The following KIF21A variants were observed in gnomAD, a reference collection of about 807,000 sequenced individuals.
KIF21A encodes kinesin family member 21A.
In KIF21A, 114 loss-of-function variants were observed where a neutral mutation model predicts 202.9. The ratio of observed to expected loss-of-function variants is 0.56; its 90% CI spans 0.48 to 0.66. KIF21A has a LOEUF of 0.66. KIF21A is among the 30% of genes least tolerant of loss of function. The probability of loss-of-function intolerance (pLI) is 0.00; values close to 1 mark genes in which losing one functional copy is unlikely to be tolerated. For synonymous variants in KIF21A, 667 were observed against 670.8 expected, an observed-to-expected ratio of 0.99 and a Z score of 0.09; for missense variants, 1,677 against 1,994.9, an observed-to-expected ratio of 0.84 and a Z score of 3.04.
chr12:39,382,990 T>G lies in KIF21A; in HGVS notation c.45-12729A>C, dbSNP rs1950712296. On this transcript the variant is annotated intron_variant, in intron 1 of 37. Transcript: ENST00000361418. ...ATACAAACAGCATTTCTCATACAAT[T>G]CTGACCAGTTTAATTTGGTCTATTA... Among the ~76,000 whole-genome samples the G allele has an allele frequency of 2.6e-5, 4 of 152,232 alleles. No homozygotes were observed. The South Asian group carries it at 8.3e-4, about 31-fold the overall frequency.
intron 1 of KIF21A, among the ~76,000 whole-genome samples, chr12:39,395,393 G>T (rs1391344712): frequency 2.8e-5 from 4 of 140,440 alleles, no homozygotes; most frequent in Admixed American, 1.4e-4. Context: ...CTTCTTCACC[G>T]CATTACTTCC....
chr12:39,417,346 A>G (rs946323748), intron 1 of KIF21A, among the ~76,000 whole-genome samples: 1 of 152,124 alleles, frequency 6.6e-6, no homozygotes, highest in African/African-American at 2.4e-5. Flanking sequence ...AGTAGATACA[A>G]TTTTGTTCAG....
At chr12:39,322,508 C>T (rs1041607460) in intron 27 of KIF21A, 160 bp downstream of exon 27, 18 of 588,288 alleles carry the variant, frequency 3.1e-5, no homozygotes, top group Non-Finnish European at 5.3e-5. Flanking sequence ...TATTTCAACT[C>T]TCCAATACCT....
At chr12:39,333,395 T>A in intron 17 of KIF21A, 115 bp from the exon 18 acceptor site, 1 of 777,940 alleles carries the variant, frequency 1.3e-6, no homozygotes, top group Non-Finnish European at 2.2e-6. Flanking sequence ...TAGCAGAATC[T>A]TTGAGTCAAC....
chr12:39,441,674 A>AAAAAAAAAAAAAAAAAAAAAAC (rs1429943496), intron 1 of KIF21A, among the ~76,000 whole-genome samples: 1 of 148,144 alleles, frequency 6.8e-6, no homozygotes, highest in Non-Finnish European at 1.5e-5. Context: ...AAAAAAAAAA[A>AAAAAAAAAAAAAAAAAAAAAAC]AAAAAACACT....
chr12:39,404,518 T>A (rs1282143231), intron 1 of KIF21A, among the ~76,000 whole-genome samples: 1 of 152,168 alleles, frequency 6.6e-6, no homozygotes, highest in Non-Finnish European at 1.5e-5. Context: ...GTTACTCTTT[T>A]TCATAACTAA....
At chr12:39,392,701 A>G (rs116726212) in intron 1 of KIF21A, among the ~76,000 whole-genome samples, 1 of 151,422 alleles carries the variant, frequency 6.6e-6, no homozygotes, top group African/African-American at 2.4e-5. Context: ...GGTTGAGAGC[A>G]TTTGCAGCAC....
chr12:39,431,618 G>A (rs1328253625), intron 1 of KIF21A, among the ~76,000 whole-genome samples: 1 of 152,172 alleles, frequency 6.6e-6, no homozygotes, highest in African/African-American at 2.4e-5. Flanking sequence ...GGGGCATGAA[G>A]AACGTCATCT....
chr12:39,337,388 A>G, intron 16 of KIF21A, 185 bp from the exon 17 acceptor site: 1 of 575,262 alleles, frequency 1.7e-6, no homozygotes, highest in Non-Finnish European at 3.1e-6. Context: ...TTTCTAATAC[A>G]TTTTTATTAA....
intron 1 of KIF21A, among the ~76,000 whole-genome samples, chr12:39,401,348 A>G (rs1328658336): frequency 1.3e-5 from 2 of 152,232 alleles, no homozygotes; most frequent in African/African-American, 4.8e-5. Context: ...GGTCAAAAGC[A>G]ACAAAAATAA....
At chr12:39,351,605 A>G (rs1433074492) in intron 11 of KIF21A, among the ~76,000 whole-genome samples, 172 bp downstream of exon 11, 2 of 152,064 alleles carry the variant, frequency 1.3e-5, no homozygotes, top group African/African-American at 4.8e-5. Context: ...TTTTTCTTAC[A>G]TATAAGTAGA....
rs753650390 is a variant in KIF21A at position 39,340,361 on chromosome 12, G to A, written c.2114C>T (p.Ser705Leu). 1.7e-5 allele frequency: 27 copies of A among 1,601,328 alleles called. No homozygotes were observed. The highest frequency in any genetic ancestry group is 1.9e-5 in the Non-Finnish European group (22 of 1,171,958). Residue 705 changes from serine to leucine, a missense_variant, in exon 16 of 38, where the codon TCG becomes TTG. Ser to Leu is a moderately radical substitution (Grantham distance 145). Transcript: ENST00000361418. ...TTTTTCTTCTGAGTAAGATTCTACC[G>A]AGCCTAAATGACCAGAGGACATTTT... Reference protein sequence around the residue: ...ERDQVLQNLGSVESYSEEKAK... With the variant: ...ERDQVLQNLGLVESYSEEKAK...
At chr12:39,301,457 A>G in intron 37 of KIF21A, 23 bp downstream of exon 37, 1 of 1,591,270 alleles carries the variant, frequency 6.3e-7, no homozygotes, top group Non-Finnish European at 8.6e-7. Flanking sequence ...CAATATAGAG[A>G]AAAATCATAT....
intron 1 of KIF21A, among the ~76,000 whole-genome samples, chr12:39,409,882 A>C (rs929164430): frequency 6.7e-6 from 1 of 149,942 alleles, no homozygotes; most frequent in Non-Finnish European, 1.5e-5. Context: ...CCTAGGCTGG[A>C]GTGCAATGGC....
At chr12:39,369,994 A>G (rs761355774) in intron 2 of KIF21A, 45 bp downstream of exon 2, 2 of 1,593,324 alleles carry the variant, frequency 1.3e-6, no homozygotes, top group South Asian at 2.2e-5. Flanking sequence ...CTGAATTAAC[A>G]TTTCTGAAAA....
rs1240016204 is a variant in KIF21A at position 39,294,506 on chromosome 12, A to T, written c.4943T>A (p.Val1648Glu). The T allele has an allele frequency of 6.2e-7, 1 of 1,613,150 alleles. No homozygotes were observed. Among genetic ancestry groups the T allele is most frequent in the Non-Finnish European group, 8.5e-7 (1 of 1,179,368 alleles). The change falls in exon 38 of 38, where the codon GTG (valine) becomes GAG (glutamate). Residue 1648 changes from valine (V) to glutamate (E), a missense_variant. Coordinates refer to ENST00000361418, the MANE Select transcript of KIF21A (RefSeq NM_001173464.2). ...CAAATTGCGAGCCTTCCAAATTCTC[A>T]CAGTTCGATCACTACAAAAAAATAA... ...HIFTAADDRT[V>E]RIWKARNLQD...
intron 1 of KIF21A, among the ~76,000 whole-genome samples, chr12:39,378,291 C>G (rs946941852): frequency 1.3e-5 from 2 of 152,158 alleles, no homozygotes; most frequent in African/African-American, 4.8e-5. Flanking sequence ...AAACCAGTAT[C>G]ATTCACAAGG....
In KIF21A at chr12:39,342,034, C is replaced by T; in HGVS notation, c.1803G>A (p.Val601=). The change falls in exon 13 of 38, where the codon GTG becomes GTA. Residue 601 remains valine, a splice_region_variant and synonymous_variant. Transcript: ENST00000361418. ...VSERENNELE[V]EESQEVSDHE... is the part of the protein sequence containing the mutation. Reference sequence around the variant, plus strand: ...GACAAGTTCATTCTTTCATACTTACCACTTCTAATTCATTGTTTTCTCTTT... The same window carrying T: ...GACAAGTTCATTCTTTCATACTTACTACTTCTAATTCATTGTTTTCTCTTT... 1 of 1,597,410 alleles carries T rather than the reference C, an allele frequency of 6.3e-7. No homozygotes were observed.
chr12:39,308,802 T>C (rs1361638264), intron 33 of KIF21A, among the ~76,000 whole-genome samples: 2 of 152,108 alleles, frequency 1.3e-5, no homozygotes, highest in Non-Finnish European at 2.9e-5. Context: ...ATAGTATTAT[T>C]TTTCTACAAG....
Sources: gnomAD v4.1 joint callset for allele counts (sites outside exome capture counted in the v4.1 genomes callset) on GRCh38, gnomAD v4.1.1 for gene constraint, MANE v1.5 for transcripts, NCBI Gene and HGNC (gene_info 2026-07-23, HGNC 2026-07-21) for gene names.